The following PWWP3B variants were observed in gnomAD, a reference collection of about 807,000 sequenced individuals.
PWWP3B encodes PWWP domain containing 3B.
Under a neutral mutation model 15.7 loss-of-function variants are expected in PWWP3B, and 5 were observed. The ratio of observed to expected loss-of-function variants is 0.32; its 90% CI spans 0.17 to 0.67. The LOEUF is 0.67. Ranked by LOEUF, PWWP3B falls within the 30% of genes least tolerant of loss-of-function variation. PWWP3B has a pLI of 0.74. For synonymous variants in PWWP3B, 203 were observed against 179.8 expected (o/e 1.13, Z -1.03); for missense variants, 519 against 493.1 (o/e 1.05, Z -0.50).
chrX:106,191,447 C>T (rs1347171981), intron 2 of PWWP3B, among the ~76,000 whole-genome samples: 21 of 111,441 alleles, frequency 1.9e-4, no homozygotes, highest in East Asian at 1.4e-3. Context: ...TGGGCTGAGA[C>T]GATGGGGTTT....
chrX:106,195,636 G>T (rs1923331608), intron 2 of PWWP3B, among the ~76,000 whole-genome samples: 1 of 111,543 alleles, frequency 9.0e-6, no homozygotes, highest in African/African-American at 3.3e-5. Context: ...ATATTTGATG[G>T]TCTCTTTGCA....
rs773951364 is a variant in PWWP3B at position 106,207,083 on chromosome X, C to T, written c.1651C>T (p.Arg551Ter). 2 of 1,205,171 alleles carry T rather than the reference C, an allele frequency of 1.7e-6. No homozygotes were observed. The highest frequency in any genetic ancestry group is 3.0e-5 in the East Asian group (1 of 33,631). ...LPDRMKAARD[R>*]ANKNLVDFIV... ...TGACCGGATGAAGGCTGCTCGGGAC[C>T]GAGCCAACAAGAACCTGGTGGACTT... Residue 551 changes from arginine to a stop codon, truncating the protein, a stop_gained, in exon 4 of 4, where the codon CGA becomes TGA. Transcript: ENST00000357175. LOFTEE classifies it high-confidence loss of function.
At chrX:106,196,830 C>A (rs1417972433) in intron 2 of PWWP3B, among the ~76,000 whole-genome samples, 1 of 112,000 alleles carries the variant, frequency 8.9e-6, no homozygotes, top group East Asian at 2.8e-4. Context: ...TTCCTCCTTT[C>A]CTCACATAAT....
rs1424884278 is a variant in PWWP3B at position 106,207,017 on chromosome X, A to G, written c.1585A>G (p.Thr529Ala). 2.5e-6 allele frequency: 3 copies of G among 1,207,962 alleles called. No homozygotes were observed. Among genetic ancestry groups the G allele is most frequent in the Non-Finnish European group, 3.4e-6 (3 of 894,119 alleles). ...AGATGCCAGGGAACCGATGGCTGTAACTTCCCAGACCAAGAAAATGTCCTT... is the reference window on the plus strand; with the variant it reads ...AGATGCCAGGGAACCGATGGCTGTAGCTTCCCAGACCAAGAAAATGTCCTT... The part of the protein sequence containing the change: ...NEDAREPMAV[T>A]SQTKKMSFQK... The change falls in exon 4 of 4, where the codon ACT becomes GCT. Residue 529 changes from threonine to alanine, a missense_variant. Thr to Ala is a moderately conservative substitution (Grantham distance 58, BLOSUM62 0). Transcript: ENST00000357175.
At chrX:106,199,426 G>C (rs1479821978) in intron 2 of PWWP3B, among the ~76,000 whole-genome samples, 1 of 111,536 alleles carries the variant, frequency 9.0e-6, no homozygotes, top group Non-Finnish European at 1.9e-5. Flanking sequence ...AAAACAGAGA[G>C]GCTTTGGTAA....
intron 2 of PWWP3B, among the ~76,000 whole-genome samples, chrX:106,193,663 T>G (rs190734273): frequency 1.3e-4 from 15 of 112,433 alleles, no homozygotes; most frequent in African/African-American, 4.8e-4. Context: ...GGCATGTTTT[T>G]GCAGTGCCTG....
In PWWP3B at chrX:106,205,381, A is replaced by G. The variant is rs936084339; in HGVS notation, c.-52A>G. 4.8e-6 allele frequency: 5 copies of G among 1,050,245 alleles called. No individual in the cohort carries two copies. The African/African-American group carries it at 7.7e-5, about 16-fold the overall frequency. The allele number at this position is 1,050,245 out of a possible 1,213,427, so 86.6% of individuals were successfully genotyped here. A position where few individuals can be genotyped will look rare whatever the true frequency, so the allele number is the denominator to read the frequency against. On this transcript the variant is annotated 5_prime_UTR_variant, in exon 4 of 4. Coordinates refer to ENST00000357175, the MANE Select transcript of PWWP3B (RefSeq NM_001171020.2). ...AGAACTTGCATTAGCAGTGACAAAG[A>G]TAGCCACCTCAACCTTTGGTAATAA...
At chrX:106,179,720 C>T (rs1261693383) in intron 2 of PWWP3B, among the ~76,000 whole-genome samples, 5 of 111,956 alleles carry the variant, frequency 4.5e-5, no homozygotes, top group African/African-American at 1.3e-4. Context: ...ATCTGTGTGA[C>T]AGTGGGTAAG....
intron 2 of PWWP3B, among the ~76,000 whole-genome samples, chrX:106,189,852 C>T (rs1922796678): frequency 1.8e-5 from 2 of 111,113 alleles, no homozygotes; most frequent in Admixed American, 9.5e-5. Flanking sequence ...CTCCTGACCT[C>T]GTGATCCGCC....
chrX:106,183,156 A>T (rs1922309385), intron 2 of PWWP3B, among the ~76,000 whole-genome samples: 1 of 111,214 alleles, frequency 9.0e-6, no homozygotes, highest in Non-Finnish European at 1.9e-5. Flanking sequence ...AAGAATCCAT[A>T]GATGGGGAGG....
intron 2 of PWWP3B, among the ~76,000 whole-genome samples, chrX:106,193,441 G>A (rs889165281): frequency 9.0e-6 from 1 of 111,595 alleles, no homozygotes; most frequent in Non-Finnish European, 1.9e-5. Context: ...GTCTCTGCAC[G>A]TGAGATGGGC....
chrX:106,207,272 C>A lies in PWWP3B; in HGVS notation c.1840C>A (p.Gln614Lys). Residue 614 changes from glutamine (Q) to lysine (K), a missense_variant, in exon 4 of 4, where the codon CAA (glutamine) becomes AAA (lysine). Physicochemically the swap from Gln to Lys is moderately conservative, Grantham distance 53. Transcript: ENST00000357175. ...DQLDEVVKYL[Q>K]EVCNQIDQIM... ...GTTGGATGAAGTGGTGAAATATTTA[C>A]AAGAAGTCTGCAATCAAATAGATCA... The A allele has an allele frequency of 8.3e-7, 1 of 1,210,486 alleles. No individual in the cohort carries two copies. Among genetic ancestry groups the A allele is most frequent in the African/African-American group, 1.7e-5 (1 of 57,871 alleles).
chrX:106,190,684 C>T (rs1336737014), intron 2 of PWWP3B, among the ~76,000 whole-genome samples: 1 of 111,962 alleles, frequency 8.9e-6, no homozygotes, highest in Non-Finnish European at 1.9e-5. Flanking sequence ...TTAGGTCTAA[C>T]ATGTAAGTCT....
intron 2 of PWWP3B, among the ~76,000 whole-genome samples, chrX:106,186,582 T>C (rs775511381): frequency 3.6e-5 from 4 of 111,316 alleles, no homozygotes; most frequent in South Asian, 7.6e-4. Context: ...CCAGAGTTGG[T>C]TCCTTCTGGT....
At chrX:106,169,328 G>A (rs1921492921) in intron 1 of PWWP3B, among the ~76,000 whole-genome samples, 1 of 111,936 alleles carries the variant, frequency 8.9e-6, no homozygotes. Flanking sequence ...AAACATGTAT[G>A]TGATGAGGAA....
chrX:106,186,690 A>G (rs2147604410), intron 2 of PWWP3B, among the ~76,000 whole-genome samples: 1 of 110,675 alleles, frequency 9.0e-6, no homozygotes, highest in Admixed American at 9.6e-5. Context: ...AGTCAGCAGA[A>G]GCAAGATTTA....
intron 2 of PWWP3B, among the ~76,000 whole-genome samples, chrX:106,187,016 C>A (rs1171572810): frequency 1.8e-5 from 2 of 111,898 alleles, no homozygotes; most frequent in East Asian, 5.6e-4. Flanking sequence ...AAAAGTTCTC[C>A]AAGTCCCCAC....
chrX:106,194,552 T>G (rs1286070766), intron 2 of PWWP3B, among the ~76,000 whole-genome samples: 1 of 112,411 alleles, frequency 8.9e-6, no homozygotes, highest in African/African-American at 3.2e-5. Flanking sequence ...GTCAAAGTCA[T>G]TCTCCGTCCA....
At position 106,206,506 on chromosome X, in the gene PWWP3B, A is replaced by T; in HGVS notation, c.1074A>T (p.Ser358=). ...AAGAAGGTCAAGCCTCTGACAAGTC[A>T]TTGCTTCCAAGTCGCATTAATCTTT... The part of the protein sequence containing the change: ...LEEEGQASDK[S]LLPSRINLSL... Residue 358 remains serine (S), a synonymous_variant, in exon 4 of 4, where the codon TCA becomes TCT. Coordinates refer to ENST00000357175, the MANE Select transcript of PWWP3B (RefSeq NM_001171020.2). 1 of 1,207,787 alleles carries T rather than the reference A, an allele frequency of 8.3e-7. No individual in the cohort carries two copies. The highest frequency in any genetic ancestry group is 2.2e-5 in the Admixed American group (1 of 45,308).
Sources: gnomAD v4.1 joint callset for allele counts (sites outside exome capture counted in the v4.1 genomes callset) on GRCh38, gnomAD v4.1.1 for gene constraint, MANE v1.5 for transcripts, NCBI Gene and HGNC (gene_info 2026-07-23, HGNC 2026-07-21) for gene names.